The following PHKA1 variants were observed in gnomAD, a reference collection of about 807,000 sequenced individuals.
The protein encoded by PHKA1 is phosphorylase kinase regulatory subunit alpha 1.
PHKA1 carries 60 observed loss-of-function variants against 110.2 expected under a neutral mutation model. That is an observed-to-expected ratio of 0.54 (90% CI 0.44 to 0.68). PHKA1 has a LOEUF of 0.68. PHKA1 is among the 30% of genes least tolerant of loss of function. The pLI, the probability that PHKA1 is intolerant of heterozygous loss-of-function variation, is 0.00. For synonymous variants in PHKA1, 316 were observed against 333.6 expected, an observed-to-expected ratio of 0.95 and a Z score of 0.58; for missense variants, 801 against 942.5, an observed-to-expected ratio of 0.85 and a Z score of 1.97.
In PHKA1 at chrX:72,685,123, C is replaced by T. The variant is rs911083411; in HGVS notation, c.455-543G>A. Reference sequence around the variant, plus strand: ...CAACCACCCTAAGAGGTAAGCACCTCTATTTTCTCCATGAGGCTTAAAGGA... The same window carrying T: ...CAACCACCCTAAGAGGTAAGCACCTTTATTTTCTCCATGAGGCTTAAAGGA... On this transcript the variant is annotated intron_variant, in intron 4 of 31. Transcript: ENST00000373542. Among the ~76,000 whole-genome samples, 43 of 111,514 alleles carry T rather than the reference C, an allele frequency of 3.9e-4. No homozygotes were observed. In the Admixed American group the frequency reaches 4.0e-3, roughly 10 times the overall value.
At chrX:72,674,220 G>A (rs1556310615) in intron 6 of PHKA1, among the ~76,000 whole-genome samples, 4 of 110,491 alleles carry the variant, frequency 3.6e-5, no homozygotes, top group Non-Finnish European at 1.9e-5. Flanking sequence ...TGGACATGTG[G>A]GTTGGTTCCA....
chrX:72,706,581 C>T (rs181672033), intron 2 of PHKA1, among the ~76,000 whole-genome samples: 2 of 111,393 alleles, frequency 1.8e-5, no homozygotes, highest in Non-Finnish European at 3.8e-5. Flanking sequence ...GAATGGGAAG[C>T]AGAGGGAGGG....
At chrX:72,704,575 A>ATGTG (rs375102108) in intron 3 of PHKA1, among the ~76,000 whole-genome samples, 14 of 107,365 alleles carry the variant, frequency 1.3e-4, no homozygotes, top group African/African-American at 3.8e-4. Flanking sequence ...GTGTATGTGC[A>ATGTG]TGTGTGTGTG....
chrX:72,632,013 AAT>A (rs782141368), intron 16 of PHKA1, among the ~76,000 whole-genome samples: 33 of 112,112 alleles, frequency 2.9e-4, no homozygotes, highest in Non-Finnish European at 5.1e-4. Flanking sequence ...TTTGGGAAAA[AAT>A]ATAATTCCTT....
At position 72,605,610 on chromosome X, in the gene PHKA1, G is replaced by T. The variant is rs1556250082; in HGVS notation, c.2616C>A (p.Pro872=). The part of the protein sequence containing the change: ...PREKTISAPL[P]YEALTQLIDE... Reference sequence around the variant, plus strand: ...CTATCAGCTGAGTGAGCGCCTCATAGGGCAGAGGTCTAAGGAAAAAGACAG... The same window carrying T: ...CTATCAGCTGAGTGAGCGCCTCATATGGCAGAGGTCTAAGGAAAAAGACAG... Residue 872 remains proline (P), a synonymous_variant, in exon 24 of 32, where the codon CCC becomes CCA. Transcript: ENST00000373542. 1 of 1,196,951 alleles carries T rather than the reference G, an allele frequency of 8.4e-7. No homozygotes were observed. Among genetic ancestry groups the T allele is most frequent in the South Asian group, 1.8e-5 (1 of 56,599 alleles).
intron 23 of PHKA1, among the ~76,000 whole-genome samples, chrX:72,606,071 T>C (rs2052723624): frequency 8.9e-6 from 1 of 111,927 alleles, no homozygotes; most frequent in Non-Finnish European, 1.9e-5. Context: ...CAAGTCAGGG[T>C]ATTTACGGTA....
intron 14 of PHKA1, among the ~76,000 whole-genome samples, chrX:72,641,613 T>TA (rs782252301): frequency 1.4e-4 from 15 of 111,089 alleles, no homozygotes; most frequent in African/African-American, 4.6e-4. Flanking sequence ...TTTAAAAAAA[T>TA]AAAAAAAATG....
At chrX:72,600,836 C>A (rs1211908987) in intron 28 of PHKA1, among the ~76,000 whole-genome samples, 4 of 111,391 alleles carry the variant, frequency 3.6e-5, no homozygotes, top group Non-Finnish European at 7.5e-5. Flanking sequence ...CATAGTGAGA[C>A]CCCAGTGCTA....
chrX:72,622,118 T>C (rs2052988149), intron 18 of PHKA1: 2 of 752,286 alleles, frequency 2.7e-6, no homozygotes, highest in Non-Finnish European at 3.1e-6. Context: ...TTAATGTACT[T>C]TTCCAACAAA....
intron 8 of PHKA1, among the ~76,000 whole-genome samples, chrX:72,663,989 C>T (rs781958363): frequency 2.7e-5 from 3 of 110,650 alleles, no homozygotes; most frequent in African/African-American, 9.8e-5. Flanking sequence ...CAGAAAACCA[C>T]CAAACTGTAA....
chrX:72,608,763 T>G (rs1556255663), intron 23 of PHKA1, among the ~76,000 whole-genome samples: 1 of 111,322 alleles, frequency 9.0e-6, no homozygotes, highest in African/African-American at 3.3e-5. Context: ...GGATAGAGTT[T>G]AACCAGGAAA....
At chrX:72,690,429 A>C (rs1556320730) in intron 4 of PHKA1, among the ~76,000 whole-genome samples, 3 of 111,599 alleles carry the variant, frequency 2.7e-5, no homozygotes, top group Non-Finnish European at 3.8e-5. Flanking sequence ...ATAATTAAGA[A>C]GATAAATGAG....
At chrX:72,671,273 G>A (rs2053692520) in intron 6 of PHKA1, among the ~76,000 whole-genome samples, 1 of 111,378 alleles carries the variant, frequency 9.0e-6, no homozygotes, top group Non-Finnish European at 1.9e-5. Context: ...AAAATCACAA[G>A]CATTCTTATA....
At chrX:72,638,662 A>G (rs1167551110) in intron 14 of PHKA1, among the ~76,000 whole-genome samples, 1 of 111,252 alleles carries the variant, frequency 9.0e-6, no homozygotes, top group Non-Finnish European at 1.9e-5. Flanking sequence ...TAGGATTTGT[A>G]TTTGAGGCTT....
chrX:72,647,289 G>C (rs782177784), intron 13 of PHKA1, among the ~76,000 whole-genome samples: 15 of 111,934 alleles, frequency 1.3e-4, no homozygotes, highest in Non-Finnish European at 2.8e-4. Context: ...GGAGATGAGA[G>C]AGAGGATTCC....
intron 3 of PHKA1, among the ~76,000 whole-genome samples, chrX:72,698,055 T>C (rs1335561846): frequency 9.0e-6 from 1 of 111,097 alleles, no homozygotes; most frequent in Non-Finnish European, 1.9e-5. Flanking sequence ...CAGACCTTTC[T>C]CTCTGTACAT....
intron 9 of PHKA1, 130 bp downstream of exon 9, chrX:72,657,458 C>T: frequency 2.0e-6 from 1 of 498,786 alleles, no homozygotes; most frequent in South Asian, 3.1e-5. Context: ...ATATAGCAAA[C>T]ATCAGTTATC....
chrX:72,584,600 G>A (rs1005864610), intron 29 of PHKA1, among the ~76,000 whole-genome samples: 8 of 111,461 alleles, frequency 7.2e-5, no homozygotes, highest in African/African-American at 2.6e-4. Context: ...AATATTCAGA[G>A]ACTATCTGGA....
At chrX:72,616,992 C>T (rs5958807) in intron 21 of PHKA1, among the ~76,000 whole-genome samples, 4,399 of 111,391 alleles carry the variant, frequency 0.039, 209 homozygotes, top group African/African-American at 0.14. Flanking sequence ...ATATGGGATA[C>T]AGAAAATGCT....
Sources: allele counts gnomAD v4.1 joint callset (sites outside exome capture counted in the v4.1 genomes callset), GRCh38; gene constraint gnomAD v4.1.1; transcripts MANE v1.5; gene names NCBI Gene and HGNC (gene_info 2026-07-23, HGNC 2026-07-21).